Variants in HYCC1 observed in about 807,000 individuals in gnomAD.
HYCC1 encodes hyccin.
chr7:22,970,274 T>C, the HYCC1 span, among the ~76,000 whole-genome samples: 1 of 141,560 alleles, frequency 7.1e-6, no homozygotes, highest in South Asian at 2.2e-4. Flanking sequence ...AAACTGATGA[T>C]TTTATTTACC....
chr7:22,915,291 A>C, the HYCC1 span, among the ~76,000 whole-genome samples: 1 of 152,210 alleles, frequency 6.6e-6, no homozygotes, highest in Non-Finnish European at 1.5e-5. Context: ...CTGCTGTGAG[A>C]GAAACCCCAG....
chr7:22,896,534 A>C, the HYCC1 span, among the ~76,000 whole-genome samples: 1 of 152,214 alleles, frequency 6.6e-6, no homozygotes, highest in East Asian at 1.9e-4. Context: ...CTCTGGTTCC[A>C]ATTTACTGAC....
chr7:22,955,743 A>G, the HYCC1 span, among the ~76,000 whole-genome samples: 1 of 151,666 alleles, frequency 6.6e-6, no homozygotes, highest in Non-Finnish European at 1.5e-5. Flanking sequence ...ACAAGGAAAT[A>G]AACAAGTATA....
At chr7:22,922,801 A>C in the HYCC1 span, among the ~76,000 whole-genome samples, 1 of 152,238 alleles carries the variant, frequency 6.6e-6, no homozygotes, top group Non-Finnish European at 1.5e-5. Flanking sequence ...TTAAAACAAA[A>C]AAGCACTAGA....
At chr7:22,991,404 T>C in the HYCC1 span, among the ~76,000 whole-genome samples, 2 of 152,160 alleles carry the variant, frequency 1.3e-5, no homozygotes, top group Non-Finnish European at 2.9e-5. Context: ...GCAAAACATA[T>C]TGGACATTTT....
the HYCC1 span, chr7:22,978,125 GA>G: frequency 1.6e-5 from 12 of 743,782 alleles, no homozygotes; most frequent in Admixed American, 6.9e-5. Flanking sequence ...CCAATCCCCA[GA>G]AAGTTATATT....
At chr7:22,949,105 G>T in the HYCC1 span, among the ~76,000 whole-genome samples, 28 of 152,118 alleles carry the variant, frequency 1.8e-4, no homozygotes, top group African/African-American at 6.5e-4. Flanking sequence ...AAAAGGCAAT[G>T]AATATTAAAA....
chr7:22,964,843 A>C, the HYCC1 span, among the ~76,000 whole-genome samples: 2 of 152,246 alleles, frequency 1.3e-5, no homozygotes, highest in Admixed American at 1.3e-4. Context: ...ACTACATGAA[A>C]CTTGGCACTG....
the HYCC1 span, among the ~76,000 whole-genome samples, chr7:22,954,095 T>C: frequency 6.6e-6 from 1 of 151,542 alleles, no homozygotes; most frequent in Non-Finnish European, 1.5e-5. Flanking sequence ...AGCAACTTTA[T>C]TTCTCCTCAA....
At chr7:22,979,565 T>C in the HYCC1 span, among the ~76,000 whole-genome samples, 1 of 152,304 alleles carries the variant, frequency 6.6e-6, no homozygotes, top group Admixed American at 6.5e-5. Flanking sequence ...TTAGGGATAT[T>C]TAGCTTTCAG....
chr7:22,969,089 C>A, the HYCC1 span, among the ~76,000 whole-genome samples: 1 of 152,218 alleles, frequency 6.6e-6, no homozygotes, highest in Non-Finnish European at 1.5e-5. Context: ...AGTACAGTGC[C>A]AACAAATGAA....
the HYCC1 span, among the ~76,000 whole-genome samples, chr7:23,007,683 C>T: frequency 6.6e-6 from 1 of 152,076 alleles, no homozygotes; most frequent in Non-Finnish European, 1.5e-5. Context: ...AAAAGGAATA[C>T]TAAAGATCAA....
At chr7:22,928,015 G>T in the HYCC1 span, among the ~76,000 whole-genome samples, 2 of 152,314 alleles carry the variant, frequency 1.3e-5, no homozygotes, top group African/African-American at 4.8e-5. Flanking sequence ...TCCCTGGGAT[G>T]CAAGGCTGGT....
chr7:22,996,078 T>G, the HYCC1 span, among the ~76,000 whole-genome samples: 1 of 151,972 alleles, frequency 6.6e-6, no homozygotes, highest in Admixed American at 6.6e-5. Context: ...GAGGATCACT[T>G]GAGGTTAGGA....
At chr7:22,952,633 A>G in the HYCC1 span, among the ~76,000 whole-genome samples, 5 of 151,956 alleles carry the variant, frequency 3.3e-5, no homozygotes, top group Admixed American at 2.0e-4. Flanking sequence ...TACATGAAAA[A>G]ACTATTTGCA....
At chr7:22,945,708 C>T in the HYCC1 span, 20 of 1,613,628 alleles carry the variant, frequency 1.2e-5, no homozygotes, top group Non-Finnish European at 1.6e-5. Context: ...AGACTACAAG[C>T]GGAAAACCTA....
At chr7:22,980,893 G>A in the HYCC1 span, among the ~76,000 whole-genome samples, 10 of 152,254 alleles carry the variant, frequency 6.6e-5, no homozygotes, top group Non-Finnish European at 1.2e-4. Flanking sequence ...TAAAAGCGCC[G>A]CTTAAGCAAA....
chr7:22,932,910 A>T, the HYCC1 span, among the ~76,000 whole-genome samples: 4 of 152,170 alleles, frequency 2.6e-5, no homozygotes, highest in African/African-American at 4.8e-5. Context: ...TGAACCCTAA[A>T]TCCAATAACT....
At chr7:22,959,875 T>C in the HYCC1 span, among the ~76,000 whole-genome samples, 2 of 152,198 alleles carry the variant, frequency 1.3e-5, no homozygotes, top group African/African-American at 2.4e-5. Context: ...GTTGTTCTAC[T>C]TCAATATGTA....
Sources: allele counts gnomAD v4.1 joint callset (sites outside exome capture counted in the v4.1 genomes callset), GRCh38; gene constraint gnomAD v4.1.1; transcripts MANE v1.5; gene names NCBI Gene and HGNC (gene_info 2026-07-23, HGNC 2026-07-21).